MAP9: variants seen among roughly 807,000 people sequenced by gnomAD.
The protein encoded by MAP9 is microtubule associated protein 9, also known as microtubule-associated protein 9.
In MAP9, 80 loss-of-function variants were observed where a neutral mutation model predicts 75.2. The ratio of observed to expected loss-of-function variants is 1.06; its 90% CI spans 0.89 to 1.28. MAP9 has a LOEUF of 1.28. Among genes scored for constraint, MAP9 ranks in the 50% most tolerant of loss-of-function variants. The pLI, the probability that MAP9 is intolerant of heterozygous loss-of-function variation, is 0.00. For synonymous variants in MAP9, 235 were observed against 237.3 expected, an observed-to-expected ratio of 0.99 and a Z score of 0.09; for missense variants, 753 against 719.9, an observed-to-expected ratio of 1.05 and a Z score of -0.53.
intron 10 of MAP9, chr4:155,354,107 CAGAT>C (rs1484087939): frequency 6.6e-6 from 1 of 152,216 alleles, no homozygotes; most frequent in Non-Finnish European, 1.5e-5. Flanking sequence ...ACGTGGTTAA[CAGAT>C]AGACAGGCAC....
intron 13 of MAP9, 146 bp from the exon 14 acceptor site, chr4:155,348,051 T>C (rs913040853): frequency 4.6e-5 from 27 of 586,802 alleles, no homozygotes; most frequent in Middle Eastern, 4.6e-4. Flanking sequence ...AAATAACAGG[T>C]AGGGCCAGGC....
At position 155,373,267 on chromosome 4, in the gene MAP9, G is replaced by A. The variant is rs2111289959; in HGVS notation, c.350C>T (p.Ala117Val). ...AACAATGTCTTCACACCCATCAGGT[G>A]CCATTTCCTCTTCATTTTTGATGGC... ...VCAIKNEEEM[A>V]PDGCEDIVVK... Residue 117 changes from alanine (A) to valine (V), a missense_variant, in exon 4 of 14, where the codon GCA (alanine) becomes GTA (valine). Transcript: ENST00000311277. The A allele has an allele frequency of 6.2e-7, 1 of 1,613,550 alleles. No homozygotes were observed. Among genetic ancestry groups the A allele is most frequent in the Non-Finnish European group, 8.5e-7 (1 of 1,179,698 alleles).
intron 5 of MAP9, among the ~76,000 whole-genome samples, chr4:155,366,280 A>C (rs900088120): frequency 6.6e-6 from 1 of 151,758 alleles, no homozygotes; most frequent in Non-Finnish European, 1.5e-5. Context: ...AATGGAGTGA[A>C]CCTGGGAGGC....
At chr4:155,364,941 A>C (rs1489020840) in intron 5 of MAP9, among the ~76,000 whole-genome samples, 4 of 151,924 alleles carry the variant, frequency 2.6e-5, no homozygotes, top group Non-Finnish European at 5.9e-5. Flanking sequence ...CCTCAAAAAA[A>C]GGCAAGAAAG....
chr4:155,353,338 T>A lies in MAP9; in HGVS notation c.1383A>T (p.Lys461Asn). Residue 461 changes from lysine (K) to asparagine (N), a missense_variant and splice_region_variant, in exon 11 of 14, where the codon AAA becomes AAT. Coordinates refer to ENST00000311277, the MANE Select transcript of MAP9 (RefSeq NM_001039580.2). ...ATGCTTCTTCTCTTTTAGCAGCTTT[T>A]TTCTACAGTGGAAAAAATAATAGAG... ...SENLRIQNEQKKAAKREEALA... is the reference protein window; with the variant it reads ...SENLRIQNEQNKAAKREEALA... 6.4e-7 allele frequency: 1 copy of A among 1,558,726 alleles called. No homozygotes were observed. Among genetic ancestry groups the A allele is most frequent in the Non-Finnish European group, 8.6e-7 (1 of 1,163,228 alleles).
At chr4:155,350,044 T>G (rs983435192) in intron 13 of MAP9, 1 of 244,664 alleles carries the variant, frequency 4.1e-6, no homozygotes, top group Admixed American at 5.4e-5. Context: ...CTAAAGGTAA[T>G]GATGAATTAA....
intron 13 of MAP9, chr4:155,352,319 G>T: frequency 3.6e-6 from 1 of 281,676 alleles, no homozygotes; most frequent in Non-Finnish European, 6.6e-6. Context: ...AAGGAAGAAT[G>T]GGCATGAATA....
chr4:155,352,894 T>C lies in MAP9; in HGVS notation c.1688+18A>G, dbSNP rs1731581250. The C allele has an allele frequency of 2.0e-6, 3 of 1,486,378 alleles. No homozygotes were observed. The highest frequency in any genetic ancestry group is 2.5e-5 in the East Asian group (1 of 40,270). 92.1% of individuals were successfully genotyped at this position (1,486,378 alleles called of 1,614,324 possible). A position where few individuals can be genotyped will look rare whatever the true frequency, so the allele number is the denominator to read the frequency against. On this transcript the variant is annotated intron_variant, in intron 12 of 13. Transcript: ENST00000311277. Reference sequence around the variant, plus strand: ...CTATAATTTAAAATATATCAAAATATTTATGATTTTGGATTACCATTTCTC... The same window carrying C: ...CTATAATTTAAAATATATCAAAATACTTATGATTTTGGATTACCATTTCTC...
At chr4:155,357,585 A>G (rs1250822815) in intron 7 of MAP9, 66 bp from the exon 8 acceptor site, 7 of 887,348 alleles carry the variant, frequency 7.9e-6, no homozygotes, top group African/African-American at 1.7e-5. Flanking sequence ...CTTAGAAGCC[A>G]AACTGCCAGT....
At position 155,344,973 on chromosome 4, in the gene MAP9, A is replaced by G. The variant is rs186373223; in HGVS notation, c.*2810T>C. 1 of 152,110 alleles carries G rather than the reference A, an allele frequency of 6.6e-6. No individual in the cohort carries two copies. Among genetic ancestry groups the G allele is most frequent in the Non-Finnish European group, 1.5e-5 (1 of 67,886 alleles). 9.4% of individuals were successfully genotyped at this position (152,110 alleles called of 1,614,324 possible). On this transcript the variant is annotated 3_prime_UTR_variant, in exon 14 of 14. Transcript: ENST00000311277. ...AACCGGAACTTTTATATGAAAGTCT[A>G]TATACTTTTAATGTCCTTAATTTGA...
In MAP9 at chr4:155,368,650, G is replaced by C. The variant is rs760053433; in HGVS notation, c.644C>G (p.Pro215Arg). ...TTCTAATTGTATGCCATTCGGCGTT[G>C]GAAGGGAAGAAGGTGCAGAATGTAA... ...LELHSAPSSL[P>R]TPNGIQLEAE... Residue 215 changes from proline (P) to arginine (R), a missense_variant, in exon 5 of 14, where the codon CCA becomes CGA. Pro to Arg is a moderately radical substitution (Grantham distance 103, BLOSUM62 -2). Coordinates refer to ENST00000311277, the MANE Select transcript of MAP9 (RefSeq NM_001039580.2). The C allele has an allele frequency of 3.7e-5, 59 of 1,614,022 alleles. No homozygotes were observed. Among genetic ancestry groups the C allele is most frequent in the Non-Finnish European group, 4.9e-5 (58 of 1,180,012 alleles).
chr4:155,362,993 T>TAA (rs1732157806), intron 5 of MAP9: 1 of 152,016 alleles, frequency 6.6e-6, no homozygotes, highest in African/African-American at 2.4e-5. Flanking sequence ...GCAGCTCAAG[T>TAA]AATAGAAGGC....
Position 155,343,032 on chromosome 4 carries a change from TA to T in MAP9, c.*4750del, listed in dbSNP as rs1731167752. The T allele has an allele frequency of 2.0e-5, 3 of 152,036 alleles. No homozygotes were observed. The highest frequency in any genetic ancestry group is 6.6e-5 in the Admixed American group (1 of 15,258). The allele number at this position is 152,036 out of a possible 1,614,324, so 9.4% of individuals were successfully genotyped here. On this transcript the variant is annotated 3_prime_UTR_variant, in exon 14 of 14. Transcript: ENST00000311277. ...ACAATGAAATTGTAGTTACAGCATC[TA>T]AAATTATTAGAAAATTATATTAGCA...
In MAP9 at chr4:155,357,436, G is replaced by GT; in HGVS notation, c.1121+12dup. 3 of 1,504,834 alleles carry GT rather than the reference G, an allele frequency of 2.0e-6. No homozygotes were observed. Among genetic ancestry groups the GT allele is most frequent in the Non-Finnish European group, 2.8e-6 (3 of 1,082,506 alleles). 93.2% of individuals were successfully genotyped at this position (1,504,834 alleles called of 1,614,324 possible). A position where few individuals can be genotyped will look rare whatever the true frequency, so the allele number is the denominator to read the frequency against. ...GCAAGCCCATAAATGACAAATATTG[G>GT]TAACTTTATTACCTGGCAGATGCAC... On this transcript the variant is annotated intron_variant, in intron 8 of 13. Coordinates refer to ENST00000311277, the MANE Select transcript of MAP9 (RefSeq NM_001039580.2).
chr4:155,354,054 T>G (rs1294880494), intron 10 of MAP9, among the ~76,000 whole-genome samples: 3 of 152,096 alleles, frequency 2.0e-5, no homozygotes. Flanking sequence ...GAAAATCAAA[T>G]GAGAAGGGGT....
At chr4:155,352,830 ATT>A in intron 12 of MAP9, 80 bp downstream of exon 12, 1 of 1,419,862 alleles carries the variant, frequency 7.0e-7, no homozygotes, top group Non-Finnish European at 9.6e-7. Flanking sequence ...GCATTACTAA[ATT>A]TCAAGTAAAT....
chr4:155,363,534 T>C (rs1278993113), intron 5 of MAP9, among the ~76,000 whole-genome samples: 1 of 151,968 alleles, frequency 6.6e-6, no homozygotes, highest in African/African-American at 2.4e-5. Flanking sequence ...GGGGAAAATA[T>C]ATGCATGATG....
intron 8 of MAP9, among the ~76,000 whole-genome samples, chr4:155,356,907 T>TA (rs1362949625): frequency 6.6e-6 from 1 of 152,194 alleles, no homozygotes; most frequent in Non-Finnish European, 1.5e-5. Context: ...ACTTATGAGT[T>TA]AGGCATTCAT....
At position 155,347,473 on chromosome 4, in the gene MAP9, T is replaced by C. The variant is rs1321139748; in HGVS notation, c.*310A>G. 1.9e-5 allele frequency: 4 copies of C among 208,892 alleles called. No individual in the cohort carries two copies. The highest frequency in any genetic ancestry group is 3.8e-5 in the Non-Finnish European group (4 of 106,428). The allele number at this position is 208,892 out of a possible 1,614,324, so 12.9% of individuals were successfully genotyped here. On this transcript the variant is annotated 3_prime_UTR_variant, in exon 14 of 14. Transcript: ENST00000311277. ...ATTACTGGAATTAAATATACTTAAA[T>C]AACATACAGAGCTTAATGAAAAAGA...
Sources: allele counts gnomAD v4.1 joint callset (sites outside exome capture counted in the v4.1 genomes callset), GRCh38; gene constraint gnomAD v4.1.1; transcripts MANE v1.5; gene names NCBI Gene and HGNC (gene_info 2026-07-23, HGNC 2026-07-21).